Variants in TXNDC8 observed in about 807,000 individuals in gnomAD.
The protein encoded by TXNDC8 is thioredoxin domain-containing protein 8.
In TXNDC8, 15 loss-of-function variants were observed where a neutral mutation model predicts 12.9. That is an observed-to-expected ratio of 1.16 (90% CI 0.78 to 1.79). The LOEUF is 1.79. Among genes scored for constraint, TXNDC8 ranks in the 40% most tolerant of loss-of-function variants. TXNDC8 has a pLI of 0.00. For missense variants in TXNDC8, 128 were observed against 113.2 expected (o/e 1.13, Z -0.59); for synonymous variants, 40 against 35.4 (o/e 1.13, Z -0.46).
intron 3 of TXNDC8, among the ~76,000 whole-genome samples, chr9:110,314,350 T>G (rs1038849385): frequency 2.6e-5 from 4 of 152,204 alleles, no homozygotes; most frequent in Non-Finnish European, 1.5e-5. Flanking sequence ...CATCAGGGAC[T>G]CTTGAGGCTG....
At chr9:110,335,384 G>A (rs1839707402) in intron 1 of TXNDC8, among the ~76,000 whole-genome samples, 5 of 152,224 alleles carry the variant, frequency 3.3e-5, no homozygotes, top group Admixed American at 2.6e-4. Flanking sequence ...TTACAGGTGT[G>A]AGCCACCCCG....
chr9:110,316,666 T>C (rs1056697684), intron 3 of TXNDC8, among the ~76,000 whole-genome samples: 4 of 152,248 alleles, frequency 2.6e-5, no homozygotes, highest in African/African-American at 7.2e-5. Flanking sequence ...CTTGTTCTAA[T>C]AGTGCGATAC....
chr9:110,311,680 A>G lies in TXNDC8; in HGVS notation c.196-7148T>C, dbSNP rs1460587590. Among the ~76,000 whole-genome samples, 501 of 112,532 alleles carry G rather than the reference A, an allele frequency of 4.5e-3. 2 individuals are homozygous for G. The highest frequency in any genetic ancestry group is 7.6e-3 in the Non-Finnish European group (410 of 53,748). 73.8% of individuals were successfully genotyped at this position (112,532 alleles called of 152,430 possible). ...GGATATAGTAATATAGTATATCCTTATATATATATATATATACATGGATAT... is the reference window on the plus strand; with the variant it reads ...GGATATAGTAATATAGTATATCCTTGTATATATATATATATACATGGATAT... On this transcript the variant is annotated intron_variant, in intron 3 of 4. Coordinates refer to ENST00000423740, the MANE Select transcript of TXNDC8 (RefSeq NM_001286946.2).
chr9:110,320,937 C>T (rs1839069930), intron 3 of TXNDC8, among the ~76,000 whole-genome samples: 1 of 152,202 alleles, frequency 6.6e-6, no homozygotes, highest in African/African-American at 2.4e-5. Context: ...TTAGGCTCTT[C>T]TTTGCCCTAG....
intron 3 of TXNDC8, among the ~76,000 whole-genome samples, chr9:110,324,589 T>G (rs1424227288): frequency 6.6e-6 from 1 of 152,226 alleles, no homozygotes; most frequent in East Asian, 1.9e-4. Context: ...TTAGCCTTTT[T>G]ACTTAAAGAC....
chr9:110,301,836 C>T (rs937290560), downstream of TXNDC8, among the ~76,000 whole-genome samples: 9 of 152,102 alleles, frequency 5.9e-5, no homozygotes, highest in African/African-American at 1.2e-4. Context: ...ATTTGGATTC[C>T]GTGAATCAAG....
chr9:110,303,788 A>G (rs1478825658), intron 4 of TXNDC8: 4 of 1,296,244 alleles, frequency 3.1e-6, no homozygotes, highest in Non-Finnish European at 3.2e-6. Context: ...TACTTTTGCT[A>G]AAAACTTTGC....
chr9:110,333,867 T>G (rs1366434676), intron 2 of TXNDC8, among the ~76,000 whole-genome samples: 1 of 152,224 alleles, frequency 6.6e-6, no homozygotes, highest in Non-Finnish European at 1.5e-5. Flanking sequence ...ACAAATATCA[T>G]ATTTATCTGT....
At chr9:110,305,558 C>CTT (rs1216929899) in intron 3 of TXNDC8, among the ~76,000 whole-genome samples, 1 of 104,796 alleles carries the variant, frequency 9.5e-6, no homozygotes, top group African/African-American at 4.1e-5. Flanking sequence ...TTCTTTCTTT[C>CTT]TTTCTTTCTT....
chr9:110,305,546 TTTTCTTTCTTTCTTTCTTTCTTTC>T lies in TXNDC8; in HGVS notation c.196-1038_196-1015del, dbSNP rs201277248. Reference sequence around the variant, plus strand: ...TGAAATTATACTGCATGTATTTTCTTTTTCTTTCTTTCTTTCTTTCTTTCTTTCTTTCTTTCTTTCTTTCTTTCT... The same window carrying T: ...TGAAATTATACTGCATGTATTTTCTTTTTCTTTCTTTCTTTCTTTCTTTCT... On this transcript the variant is annotated intron_variant, in intron 3 of 4. Coordinates refer to ENST00000423740, the MANE Select transcript of TXNDC8 (RefSeq NM_001286946.2). Among the ~76,000 whole-genome samples, 585 of 115,498 alleles carry T rather than the reference TTTTCTTTCTTTCTTTCTTTCTTTC, an allele frequency of 5.1e-3. 1 individual carries two copies. The highest frequency in any genetic ancestry group is 0.011 in the African/African-American group (321 of 30,250). 75.8% of individuals were successfully genotyped at this position (115,498 alleles called of 152,430 possible).
At chr9:110,325,107 A>C (rs779053964) in intron 3 of TXNDC8, among the ~76,000 whole-genome samples, 21 of 152,064 alleles carry the variant, frequency 1.4e-4, no homozygotes, top group Non-Finnish European at 2.6e-4. Flanking sequence ...GTGACCTTGC[A>C]AGACTCCATC....
intron 2 of TXNDC8, among the ~76,000 whole-genome samples, chr9:110,328,423 T>G (rs1322399328): frequency 6.6e-6 from 1 of 152,004 alleles, no homozygotes; most frequent in African/African-American, 2.4e-5. Context: ...CTTATGATGC[T>G]TCAAAAAAAC....
At chr9:110,321,204 G>A (rs1287793987) in intron 3 of TXNDC8, among the ~76,000 whole-genome samples, 1 of 152,174 alleles carries the variant, frequency 6.6e-6, no homozygotes, top group Non-Finnish European at 1.5e-5. Flanking sequence ...GCAGTGTGGG[G>A]GTGGCTGATA....
chr9:110,329,123 T>C, intron 2 of TXNDC8, 109 bp downstream of exon 3: 1 of 930,566 alleles, frequency 1.1e-6, no homozygotes, highest in South Asian at 1.5e-5. Flanking sequence ...AAATGTAAAA[T>C]TCTAGTTGAT....
In TXNDC8 at chr9:110,326,366, T is replaced by G; in HGVS notation, c.130-126A>C. ...CAAGGACACCTGACACTTTACAGAC[T>G]CTCCTGCTATGAACTTTTCTAACAT... On this transcript the variant is annotated intron_variant, in intron 2 of 4. Transcript: ENST00000423740. The G allele has an allele frequency of 3.8e-6, 3 of 780,298 alleles. No homozygotes were observed. In the Admixed American group the frequency reaches 6.9e-5, roughly 18 times the overall value. 48.3% of individuals were successfully genotyped at this position (780,298 alleles called of 1,614,324 possible). A position where few individuals can be genotyped will look rare whatever the true frequency, so the allele number is the denominator to read the frequency against.
At chr9:110,334,161 T>TTC in intron 2 of TXNDC8, 55 bp downstream of exon 2, 1 of 1,446,274 alleles carries the variant, frequency 6.9e-7, no homozygotes, top group Non-Finnish European at 9.4e-7. Context: ...GGGAAAAATA[T>TTC]TCTGGAACTT....
At chr9:110,324,034 G>A in intron 3 of TXNDC8, 2 of 1,544,186 alleles carry the variant, frequency 1.3e-6, no homozygotes, top group South Asian at 2.4e-5. Context: ...AATGCAAAAG[G>A]GAGTGGTTCC....
intron 2 of TXNDC8, among the ~76,000 whole-genome samples, chr9:110,327,097 A>G (rs10816972): frequency 0.12 from 18,990 of 152,230 alleles, 1,270 homozygotes; most frequent in Admixed American, 0.18. Flanking sequence ...CTAATCAAAA[A>G]GCCAGACAAT....
At chr9:110,332,168 T>C (rs1449607851) in intron 2 of TXNDC8, among the ~76,000 whole-genome samples, 1 of 152,184 alleles carries the variant, frequency 6.6e-6, no homozygotes, top group Non-Finnish European at 1.5e-5. Flanking sequence ...AAGTCTTGAG[T>C]GTCAGCATGG....
Sources: gnomAD v4.1 joint callset for allele counts (sites outside exome capture counted in the v4.1 genomes callset) on GRCh38, gnomAD v4.1.1 for gene constraint, MANE v1.5 for transcripts, NCBI Gene and HGNC (gene_info 2026-07-23, HGNC 2026-07-21) for gene names.